Variants in MYO3A observed in about 807,000 individuals in gnomAD.
MYO3A encodes myosin IIIA.
MYO3A carries 180 observed loss-of-function variants against 192.7 expected under a neutral mutation model. The ratio of observed to expected loss-of-function variants is 0.93; its 90% CI spans 0.83 to 1.06. The LOEUF is 1.06. Ranked by LOEUF, MYO3A falls within the 50% of genes least tolerant of loss-of-function variation. The probability of loss-of-function intolerance (pLI) is 0.00; values close to 1 mark genes in which losing one functional copy is unlikely to be tolerated. For missense variants in MYO3A, 1,896 were observed against 1,905.0 expected, an observed-to-expected ratio of 1.00 and a Z score of 0.09; for synonymous variants, 628 against 645.3, an observed-to-expected ratio of 0.97 and a Z score of 0.41.
chr10:26,108,828 T>C (rs1035611509), intron 17 of MYO3A, among the ~76,000 whole-genome samples: 2 of 152,164 alleles, frequency 1.3e-5, no homozygotes, highest in African/African-American at 4.8e-5. Context: ...CCCTAGAAGA[T>C]GAAGTGTGAT....
At chr10:26,072,859 A>T (rs986804033) in intron 14 of MYO3A, among the ~76,000 whole-genome samples, 1 of 152,218 alleles carries the variant, frequency 6.6e-6, no homozygotes, top group East Asian at 1.9e-4. Context: ...TTTTACTGCT[A>T]TGTGCTTATT....
At chr10:25,995,439 G>A (rs563518072) in intron 4 of MYO3A, among the ~76,000 whole-genome samples, 28 of 152,196 alleles carry the variant, frequency 1.8e-4, no homozygotes, top group African/African-American at 6.0e-4. Flanking sequence ...ACTTCTTTGC[G>A]ATGGATTCGA....
At chr10:26,116,282 G>T (rs942127059) in intron 17 of MYO3A, among the ~76,000 whole-genome samples, 1 of 152,132 alleles carries the variant, frequency 6.6e-6, no homozygotes, top group Non-Finnish European at 1.5e-5. Flanking sequence ...AGTTTCTAGT[G>T]GTTCCCCAGT....
chr10:26,137,523 T>C (rs1839921553), intron 20 of MYO3A, among the ~76,000 whole-genome samples: 2 of 152,172 alleles, frequency 1.3e-5, no homozygotes, highest in Non-Finnish European at 2.9e-5. Flanking sequence ...AACGTGTGTT[T>C]GAACAATATG....
intron 6 of MYO3A, among the ~76,000 whole-genome samples, chr10:26,003,491 G>A (rs1424895710): frequency 6.6e-6 from 1 of 152,052 alleles, no homozygotes; most frequent in African/African-American, 2.4e-5. Flanking sequence ...AAAACTTTTA[G>A]TTTTTTATTA....
intron 10 of MYO3A, among the ~76,000 whole-genome samples, chr10:26,045,366 TTAGATAGATAGATAGATAGATAGA>T (rs3057671): frequency 5.5e-4 from 78 of 142,708 alleles, no homozygotes; most frequent in African/African-American, 1.8e-3. Context: ...ATGGGTGGCA[TTAGATAGATAGATAGATAGATAGA>T]TAGATAGATA....
chr10:26,157,394 G>T lies in MYO3A; in HGVS notation c.2878G>T (p.Ala960Ser). The change falls in exon 26 of 35, where the codon GCA (alanine) becomes TCA (serine). Residue 960 changes from alanine to serine, a missense_variant. Coordinates refer to ENST00000642920, the MANE Select transcript of MYO3A (RefSeq NM_017433.5). ...RCIKPNSERQ[A>S]RKYDKEKVLL... The stretch of plus-strand genomic sequence containing the variant: ...CATCAAACCAAATAGTGAGCGTCAG[G>T]CAAGAAAATATGACAAAGAGAAAGT... The T allele has an allele frequency of 6.2e-7, 1 of 1,614,108 alleles. No homozygotes were observed. Among genetic ancestry groups the T allele is most frequent in the Non-Finnish European group, 8.5e-7 (1 of 1,179,994 alleles).
At chr10:26,095,129 A>G (rs999960268) in intron 15 of MYO3A, among the ~76,000 whole-genome samples, 6 of 152,330 alleles carry the variant, frequency 3.9e-5, no homozygotes, top group Middle Eastern at 3.4e-3. Context: ...CAAAAGTGGC[A>G]GGAAGGGGAG....
chr10:26,006,092 C>T (rs529945360), intron 6 of MYO3A, among the ~76,000 whole-genome samples: 7 of 151,984 alleles, frequency 4.6e-5, no homozygotes, highest in East Asian at 3.9e-4. Context: ...TTTCAGTCAA[C>T]GATCTTTTAG....
intron 17 of MYO3A, among the ~76,000 whole-genome samples, chr10:26,109,442 A>G (rs564652009): frequency 6.6e-6 from 1 of 152,344 alleles, no homozygotes; most frequent in Admixed American, 6.5e-5. Flanking sequence ...CCATGCTGGT[A>G]AATGAATCTT....
intron 14 of MYO3A, among the ~76,000 whole-genome samples, chr10:26,073,920 A>G (rs909691080): frequency 6.6e-6 from 1 of 152,146 alleles, no homozygotes; most frequent in Non-Finnish European, 1.5e-5. Flanking sequence ...ATGATGGCAC[A>G]TGTAAAAACT....
chr10:26,067,076 T>A lies in MYO3A; in HGVS notation c.1053+2T>A, dbSNP rs1309981610. The A allele has an allele frequency of 1.3e-6, 2 of 1,579,174 alleles. No individual in the cohort carries two copies. Among genetic ancestry groups the A allele is most frequent in the East Asian group, 2.2e-5 (1 of 44,646 alleles). Reference sequence around the variant, plus strand: ...GCAACCCTAGAAATTTTGGATGAGGTAAGAATTTCAGTTTAATTAAACTTA... The same window carrying A: ...GCAACCCTAGAAATTTTGGATGAGGAAAGAATTTCAGTTTAATTAAACTTA... On this transcript the variant is annotated splice_donor_variant, in intron 11 of 34. Transcript: ENST00000642920. LOFTEE classifies it high-confidence loss of function.
At chr10:26,024,202 A>C (rs1842440868) in intron 9 of MYO3A, 115 bp downstream of exon 9, 5 of 1,017,508 alleles carry the variant, frequency 4.9e-6, no homozygotes, top group African/African-American at 3.2e-5. Context: ...TATTTTCTTC[A>C]AAGGAAGCAT....
chr10:26,182,142 G>A (rs1358649704), intron 31 of MYO3A, among the ~76,000 whole-genome samples: 1 of 152,314 alleles, frequency 6.6e-6, no homozygotes, highest in African/African-American at 2.4e-5. Flanking sequence ...TGAGTGACTA[G>A]TTAGTGAGAA....
At chr10:25,950,821 A>G (rs905675368) in intron 2 of MYO3A, among the ~76,000 whole-genome samples, 5 of 152,164 alleles carry the variant, frequency 3.3e-5, no homozygotes, top group Admixed American at 2.6e-4. Context: ...GTGGCCAGAC[A>G]AGTGAATTTC....
In MYO3A at chr10:26,174,251, GAC is replaced by G; in HGVS notation, c.3989_3990del (p.Thr1330SerfsTer7). The G allele has an allele frequency of 6.2e-7, 1 of 1,614,130 alleles. No homozygotes were observed. Among genetic ancestry groups the G allele is most frequent in the Non-Finnish European group, 8.5e-7 (1 of 1,180,014 alleles). On this transcript the variant is annotated frameshift_variant, in exon 30 of 35. Coordinates refer to ENST00000642920, the MANE Select transcript of MYO3A (RefSeq NM_017433.5). LOFTEE classifies it high-confidence loss of function. Reference protein sequence around the residue: ...EEGRGRLRHETVKERQVEPVT... With the variant: ...EEGRGRLRHEXVKERQVEPVT... Reference sequence around the variant, plus strand: ...AAGGCAGAGGCCGTCTGAGGCATGAGACAGTCAAAGAGAGGCAAGTTGAACCA... The same window carrying G: ...AAGGCAGAGGCCGTCTGAGGCATGAGAGTCAAAGAGAGGCAAGTTGAACCA...
chr10:26,017,149 T>C (rs922488637), intron 7 of MYO3A, among the ~76,000 whole-genome samples: 1 of 152,170 alleles, frequency 6.6e-6, no homozygotes, highest in East Asian at 1.9e-4. Context: ...TACTTCCAGG[T>C]TTGATTTTTC....
chr10:26,135,535 T>C (rs1839796149), intron 20 of MYO3A, among the ~76,000 whole-genome samples: 1 of 151,902 alleles, frequency 6.6e-6, no homozygotes, highest in African/African-American at 2.4e-5. Context: ...GCAAGGGTTG[T>C]GACAGCTGGA....
intron 20 of MYO3A, among the ~76,000 whole-genome samples, chr10:26,138,923 A>G (rs1839998503): frequency 6.6e-6 from 1 of 152,204 alleles, no homozygotes; most frequent in South Asian, 2.1e-4. Flanking sequence ...CCTGACACCA[A>G]GGATGTTTTC....
Sources: allele counts gnomAD v4.1 joint callset (sites outside exome capture counted in the v4.1 genomes callset), GRCh38; gene constraint gnomAD v4.1.1; transcripts MANE v1.5; gene names NCBI Gene and HGNC (gene_info 2026-07-23, HGNC 2026-07-21).